Variants in SELENOO observed in about 807,000 individuals in gnomAD.
The protein encoded by SELENOO is selenoprotein O, also known as protein adenylyltransferase SelO, mitochondrial.
SELENOO carries 74 observed loss-of-function variants against 58.7 expected under a neutral mutation model. The ratio of observed to expected loss-of-function variants is 1.26; its 90% CI spans 1.04 to 1.53. SELENOO has a LOEUF of 1.53. SELENOO is among the 40% of genes most tolerant of loss of function. SELENOO has a pLI of 0.00. For missense variants in SELENOO, 1,149 were observed against 970.0 expected, an observed-to-expected ratio of 1.18 and a Z score of -2.45; for synonymous variants, 543 against 453.2, an observed-to-expected ratio of 1.20 and a Z score of -2.52.
At chr22:50,206,090 A>G (rs1302524393) in intron 1 of SELENOO, 1 of 591,750 alleles carries the variant, frequency 1.7e-6, no homozygotes, top group East Asian at 2.8e-5. Flanking sequence ...GTTCAGGCCC[A>G]TTTTTACCAG....
chr22:50,214,029 TC>T (rs1395948290), intron 5 of SELENOO, among the ~76,000 whole-genome samples: 1 of 152,240 alleles, frequency 6.6e-6, no homozygotes, highest in Non-Finnish European at 1.5e-5. Flanking sequence ...GTCTGTCCCT[TC>T]CATTCTGCCA....
chr22:50,216,981 G>GGACAA lies in SELENOO; in HGVS notation c.1700_1704dup (p.Asp569ThrfsTer20), dbSNP rs1353697369. 6.2e-7 allele frequency: 1 copy of GGACAA among 1,609,008 alleles called. No homozygotes were observed. Among genetic ancestry groups the GGACAA allele is most frequent in the East Asian group, 2.2e-5 (1 of 44,812 alleles). On this transcript the variant is annotated frameshift_variant, in exon 8 of 9. Coordinates refer to ENST00000380903, the MANE Select transcript of SELENOO (RefSeq NM_031454.2). LOFTEE classifies it high-confidence loss of function. ...CCGGATGTCATTCCAGAGCCCGGCT[G>GGACAA]GACAAGGACCTGGAAGGCGCTGGGG... is the stretch of plus-strand genomic sequence containing the variant.
At chr22:50,216,368 TGGAAATGAG>T (rs1046436466) in intron 6 of SELENOO, among the ~76,000 whole-genome samples, 2 of 152,226 alleles carry the variant, frequency 1.3e-5, no homozygotes, top group African/African-American at 4.8e-5. Flanking sequence ...TGGACCCTTC[TGGAAATGAG>T]GGAAGTGCTA....
chr22:50,210,468 G>A (rs1057000494), intron 4 of SELENOO, among the ~76,000 whole-genome samples, 157 bp downstream of exon 4: 4 of 152,132 alleles, frequency 2.6e-5, no homozygotes, highest in Non-Finnish European at 4.4e-5. Flanking sequence ...GGGCAATCCC[G>A]GAGGCCTTGG....
In SELENOO at chr22:50,211,601, T is replaced by C. The variant is rs184824800; in HGVS notation, c.1351+690T>C. Among the ~76,000 whole-genome samples the C allele has an allele frequency of 1.1e-4, 17 of 152,404 alleles. No homozygotes were observed. In the East Asian group the frequency reaches 3.3e-3, roughly 29 times the overall value. On this transcript the variant is annotated intron_variant, in intron 5 of 8. Coordinates refer to ENST00000380903, the MANE Select transcript of SELENOO (RefSeq NM_031454.2). ...GCTATTGCATTTTATCAAATGCTTT[T>C]TCCTGCAATGAAGATGGTCATGTGG...
Position 50,210,781 on chromosome 22 carries a change from C to G in SELENOO, c.1221C>G (p.Ala407=), listed in dbSNP as rs200880192. 2 of 1,613,738 alleles carry G rather than the reference C, an allele frequency of 1.2e-6. No individual in the cohort carries two copies. Among genetic ancestry groups the G allele is most frequent in the African/African-American group, 1.3e-5 (1 of 74,942 alleles). ...LPLELGEAIL[A]EEFDAEFQRH... ...TGGAGCTGGGGGAGGCCATCCTGGC[C>G]GAGGAGTTTGACGCCGAGTTCCAAA... The change falls in exon 5 of 9, where the codon GCC becomes GCG. Residue 407 remains alanine, a synonymous_variant. Transcript: ENST00000380903.
chr22:50,212,797 T>TA (rs2064380000), intron 5 of SELENOO, among the ~76,000 whole-genome samples: 1 of 150,776 alleles, frequency 6.6e-6, no homozygotes, highest in South Asian at 2.1e-4. Context: ...GTTGTCTCCC[T>TA]CTAATCTTCG....
rs569779421 is a variant in SELENOO at position 50,217,456 on chromosome 22, C to T, written c.*87C>T. The T allele has an allele frequency of 8.1e-6, 12 of 1,485,006 alleles. No homozygotes were observed. Among genetic ancestry groups the T allele is most frequent in the East Asian group, 2.4e-5 (1 of 41,586 alleles). 92.0% of individuals were successfully genotyped at this position (1,485,006 alleles called of 1,614,324 possible). A position where few individuals can be genotyped will look rare whatever the true frequency, so the allele number is the denominator to read the frequency against. On this transcript the variant is annotated 3_prime_UTR_variant, in exon 9 of 9. Coordinates refer to ENST00000380903, the MANE Select transcript of SELENOO (RefSeq NM_031454.2). ...CAAGATGATGCCAGGCTGCCCTATA[C>T]ACTGGGGGATTCTGCCCTGGCCCAT...
rs558477252 is a variant in SELENOO, at chr22:50,214,584, C to T, written c.1352-1133C>T. On this transcript the variant is annotated intron_variant, in intron 5 of 8. Transcript: ENST00000380903. ...CGCCACTGCACTCCAGCCTAGGCAA[C>T]AAGAGCAAGACTCCATCTCAAAAAA... 1.8e-4 allele frequency among the ~76,000 whole-genome samples: 27 copies of T among 151,910 alleles called. No individual in the cohort carries two copies. In the East Asian group the frequency reaches 2.5e-3, roughly 14 times the overall value.
rs750504298 is a variant in SELENOO at position 50,211,341 on chromosome 22, C to T, written c.1351+430C>T. 2.0e-5 allele frequency among the ~76,000 whole-genome samples: 3 copies of T among 152,126 alleles called. No homozygotes were observed. The East Asian group carries it at 5.8e-4, about 29-fold the overall frequency. On this transcript the variant is annotated intron_variant, in intron 5 of 8. Coordinates refer to ENST00000380903, the MANE Select transcript of SELENOO (RefSeq NM_031454.2). ...AAGCGAATGCAGAGATCTCTGACTC[C>T]CTGCTTTCAGTTCCGTGGGGTGTAC... is the stretch of plus-strand genomic sequence containing the variant.
At chr22:50,203,760 G>A (rs1291351042) in intron 1 of SELENOO, among the ~76,000 whole-genome samples, 3 of 152,176 alleles carry the variant, frequency 2.0e-5, no homozygotes, top group African/African-American at 7.2e-5. Flanking sequence ...AGAGAAAATA[G>A]GGAAAATGCC....
Position 50,216,692 on chromosome 22 carries a change from C to T in SELENOO, c.1504C>T (p.Gln502Ter), listed in dbSNP as rs1297861897. The T allele has an allele frequency of 7.6e-6, 12 of 1,586,388 alleles. No individual in the cohort carries two copies. In the East Asian group the frequency reaches 9.2e-5, roughly 12 times the overall value. ...CCAGACACCCTGGCCTCTCCACAGGCAGCTATCCATGATGCTGATGCTGGC... is the reference window on the plus strand; with the variant it reads ...CCAGACACCCTGGCCTCTCCACAGGTAGCTATCCATGATGCTGATGCTGGC... ...LAFRPQMDPR[Q>*]LSMMLMLAQS... Residue 502 changes from glutamine to a stop codon, truncating the protein, a stop_gained and splice_region_variant, in exon 7 of 9, where the codon CAG (glutamine) becomes TAG (stop). Transcript: ENST00000380903. LOFTEE classifies it high-confidence loss of function.
chr22:50,204,583 C>T (rs1041231089), intron 1 of SELENOO, among the ~76,000 whole-genome samples: 14 of 151,470 alleles, frequency 9.2e-5, no homozygotes, highest in African/African-American at 1.5e-4. Context: ...GCCGAGATCA[C>T]GCCACTGTCC....
At position 50,210,312 on chromosome 22, in the gene SELENOO, G is replaced by A. The variant is rs1339277114; in HGVS notation, c.1070+1G>A. On this transcript the variant is annotated splice_donor_variant, in intron 4 of 8. Transcript: ENST00000380903. LOFTEE classifies it high-confidence loss of function. ...ACGGGCCCTTTGGCTTCCTGGACAG[G>A]TAAGTGGCCCTGGGGCCCAGCAAAG... The A allele has an allele frequency of 1.9e-6, 3 of 1,612,900 alleles. No homozygotes were observed. Among genetic ancestry groups the A allele is most frequent in the South Asian group, 1.1e-5 (1 of 91,072 alleles).
Position 50,206,354 on chromosome 22 carries a change from C to T in SELENOO, c.592C>T (p.Arg198Trp), listed in dbSNP as rs201752848. ...TCGCAAGGTCCTACGGTCAAGCATC[C>T]GGGAGTTTCTATGCAGCGAAGCCAT... ...DGRKVLRSSI[R>W]EFLCSEAMFH... is the part of the protein sequence containing the mutation. Residue 198 changes from arginine to tryptophan, a missense_variant, in exon 2 of 9, where the codon CGG becomes TGG. By Grantham distance (101) the Arg-to-Trp change is moderately radical (BLOSUM62 -3). Coordinates refer to ENST00000380903, the MANE Select transcript of SELENOO (RefSeq NM_031454.2). The T allele has an allele frequency of 7.7e-5, 124 of 1,614,020 alleles. No homozygotes were observed. Among genetic ancestry groups the T allele is most frequent in the Admixed American group, 1.5e-4 (9 of 60,024 alleles).
chr22:50,201,762 C>T (rs1489925930), intron 1 of SELENOO, among the ~76,000 whole-genome samples, 172 bp downstream of exon 1: 1 of 152,252 alleles, frequency 6.6e-6, no homozygotes, highest in Non-Finnish European at 1.5e-5. Flanking sequence ...ATCAACCCGC[C>T]GAGGACCTTG....
At chr22:50,213,471 G>A (rs772423106) in intron 5 of SELENOO, among the ~76,000 whole-genome samples, 4 of 150,950 alleles carry the variant, frequency 2.6e-5, no homozygotes, top group Non-Finnish European at 6.0e-5. Flanking sequence ...CTTTCTGTGT[G>A]CCCTGGAGAA....
In SELENOO at chr22:50,217,108, G is replaced by A. The variant is rs201382367; in HGVS notation, c.1825G>A (p.Glu609Lys). 208 of 1,612,992 alleles carry A rather than the reference G, an allele frequency of 1.3e-4. No homozygotes were observed. The African/African-American group carries it at 1.8e-3, about 14-fold the overall frequency. ...CGCGCAGAATGCCATCGAGGCTGCC[G>A]AGCGCGGGGACTTCTCAGAGGCAAG... ...YIAQNAIEAA[E>K]RGDFSEVRRV... The change falls in exon 8 of 9, where the codon GAG (glutamate) becomes AAG (lysine). Residue 609 changes from glutamate to lysine, a missense_variant. Transcript: ENST00000380903.
At position 50,216,855 on chromosome 22, in the gene SELENOO, C is replaced by T. The variant is rs374182320; in HGVS notation, c.1667C>T (p.Ala556Val). 6.2e-7 allele frequency: 1 copy of T among 1,608,000 alleles called. No homozygotes were observed. The highest frequency in any genetic ancestry group is 8.5e-7 in the Non-Finnish European group (1 of 1,179,890). The stretch of plus-strand genomic sequence containing the variant: ...CAGAGCAGGAACCAGGGCCACTGGG[C>T]TGACTGGCTACAGGCGTACAGGTGA... ...ELQSRNQGHW[A>V]DWLQAYRARL... The change falls in exon 7 of 9, where the codon GCT becomes GTT. Residue 556 changes from alanine (A) to valine (V), a missense_variant. By Grantham distance (64) the Ala-to-Val change is moderately conservative. Transcript: ENST00000380903.
Sources: gnomAD v4.1 joint callset for allele counts (sites outside exome capture counted in the v4.1 genomes callset) on GRCh38, gnomAD v4.1.1 for gene constraint, MANE v1.5 for transcripts, NCBI Gene and HGNC (gene_info 2026-07-23, HGNC 2026-07-21) for gene names.